PCDHAC2: variants seen among roughly 807,000 people sequenced by gnomAD.
PCDHAC2 encodes the protein protocadherin alpha subfamily C, 2.
A neutral mutation model predicts 63.3 loss-of-function variants in PCDHAC2; 24 were observed. The observed-to-expected ratio is 0.38, with a 90% CI of 0.27 to 0.53. PCDHAC2 has a LOEUF of 0.53. Among genes scored for constraint, PCDHAC2 ranks in the 20% least tolerant of loss-of-function variants. The pLI, the probability that PCDHAC2 is intolerant of heterozygous loss-of-function variation, is 0.81. For missense variants in PCDHAC2, 1,181 were observed against 1,275.2 expected (o/e 0.93, Z 1.12); for synonymous variants, 569 against 529.4 (o/e 1.07, Z -1.03).
chr5:140,989,534 A>G (rs1201139003), intron 3 of PCDHAC2, among the ~76,000 whole-genome samples: 1 of 152,184 alleles, frequency 6.6e-6, no homozygotes, highest in African/African-American at 2.4e-5. Flanking sequence ...GGAGGAAGAT[A>G]GTTTGTAATT....
chr5:140,981,864 T>C (rs1554243477), intron 2 of PCDHAC2, among the ~76,000 whole-genome samples: 3 of 152,294 alleles, frequency 2.0e-5, no homozygotes, highest in African/African-American at 7.2e-5. Context: ...CCCAGCAATG[T>C]TTTATGCTGA....
chr5:140,998,565 A>G, intron 3 of PCDHAC2, among the ~76,000 whole-genome samples: 1 of 113,790 alleles, frequency 8.8e-6, no homozygotes. Context: ...TTTATTGTAA[A>G]TAAGTTTTTT....
chr5:140,973,384 CAAAG>C (rs1250756648), intron 1 of PCDHAC2, among the ~76,000 whole-genome samples: 4 of 152,194 alleles, frequency 2.6e-5, no homozygotes, highest in Non-Finnish European at 5.9e-5. Context: ...TCAGAATAGA[CAAAG>C]AAATCATATC....
chr5:140,997,668 T>TTGTGTGTGTGTG (rs35184029), intron 3 of PCDHAC2, among the ~76,000 whole-genome samples: 18 of 148,344 alleles, frequency 1.2e-4, no homozygotes, highest in Middle Eastern at 3.4e-3. Flanking sequence ...ATTATACAGC[T>TTGTGTGTGTGTG]TGTGTGTGTG....
chr5:141,008,323 A>C lies in PCDHAC2; in HGVS notation c.2714-1304A>C, dbSNP rs2098370005. ...CCCTAAACTGTAATTGAACATAAACAGTTTATTTGATGGAGCTTTTCACGT... is the reference window on the plus strand; with the variant it reads ...CCCTAAACTGTAATTGAACATAAACCGTTTATTTGATGGAGCTTTTCACGT... On this transcript the variant is annotated intron_variant, in intron 3 of 3. Transcript: ENST00000289269. 2.0e-5 allele frequency among the ~76,000 whole-genome samples: 3 copies of C among 152,242 alleles called. No individual in the cohort carries two copies. The South Asian group carries it at 6.2e-4, about 32-fold the overall frequency.
chr5:141,001,159 G>A (rs1332533329), intron 3 of PCDHAC2, among the ~76,000 whole-genome samples: 2 of 152,076 alleles, frequency 1.3e-5, no homozygotes, highest in Non-Finnish European at 2.9e-5. Context: ...ATCTTAATAA[G>A]TAAAATTTAA....
chr5:140,967,982 G>T lies in PCDHAC2; in HGVS notation c.1216G>T (p.Ala406Ser), dbSNP rs1563372383. 1.9e-6 allele frequency: 3 copies of T among 1,614,224 alleles called. No homozygotes were observed. The highest frequency in any genetic ancestry group is 2.5e-6 in the Non-Finnish European group (3 of 1,180,050). Reference sequence around the variant, plus strand: ...CCGGAAAGTGAGCCTGGGTCTGGAGGCCACACTGCCTTTCCGACTGAATGG... The same window carrying T: ...CCGGAAAGTGAGCCTGGGTCTGGAGTCCACACTGCCTTTCCGACTGAATGG... Reference protein sequence around the residue: ...PNRKVSLGLEATLPFRLNGFG... With the variant: ...PNRKVSLGLESTLPFRLNGFG... Residue 406 changes from alanine (A) to serine (S), a missense_variant, in exon 1 of 4, where the codon GCC becomes TCC. Physicochemically the swap from Ala to Ser is moderately conservative, Grantham distance 99. Transcript: ENST00000289269.
rs1554229751 is a variant in PCDHAC2, at chr5:140,967,668, C to T, written c.902C>T (p.Ser301Leu). ...AGGTACTCCTTGAGCAGCTACACGTCGGACCGGGAGAGGCAGCTCTTCAGC... is the reference window on the plus strand; with the variant it reads ...AGGTACTCCTTGAGCAGCTACACGTTGGACCGGGAGAGGCAGCTCTTCAGC... ...ELRYSLSSYTSDRERQLFSID... is the reference protein window; with the variant it reads ...ELRYSLSSYTLDRERQLFSID... The change falls in exon 1 of 4, where the codon TCG (serine) becomes TTG (leucine). Residue 301 changes from serine (S) to leucine (L), a missense_variant. Ser to Leu is a moderately radical substitution (Grantham distance 145, BLOSUM62 -2). Around this residue, in one of 3 missense-constraint regions of PCDHAC2, gnomAD observed 968 missense variants for 1,073.5 expected, o/e 0.90. Coordinates refer to ENST00000289269, the MANE Select transcript of PCDHAC2 (RefSeq NM_018899.6). 1.2e-6 allele frequency: 2 copies of T among 1,614,108 alleles called. No homozygotes were observed. The highest frequency in any genetic ancestry group is 8.5e-7 in the Non-Finnish European group (1 of 1,180,016).
chr5:140,992,400 T>C (rs1019164556), intron 3 of PCDHAC2, among the ~76,000 whole-genome samples: 1 of 152,124 alleles, frequency 6.6e-6, no homozygotes, highest in Admixed American at 6.5e-5. Context: ...CTTAGAGATA[T>C]TGTTCTGCCC....
At chr5:140,998,210 A>G (rs2097801454) in intron 3 of PCDHAC2, among the ~76,000 whole-genome samples, 1 of 152,218 alleles carries the variant, frequency 6.6e-6, no homozygotes, top group South Asian at 2.1e-4. Flanking sequence ...TTTAATCTGT[A>G]TAACCACACC....
In PCDHAC2 at chr5:141,012,200, T is replaced by A. The variant is rs2098423248; in HGVS notation, c.*2263T>A. On this transcript the variant is annotated 3_prime_UTR_variant, in exon 4 of 4. Coordinates refer to ENST00000289269, the MANE Select transcript of PCDHAC2 (RefSeq NM_018899.6). The stretch of plus-strand genomic sequence containing the variant: ...TAATTATAATGTATCTGTACAGCAC[T>A]TTTTACATTTGCGAAGTGCTTTCCA... 6.5e-6 allele frequency: 1 copy of A among 153,778 alleles called. No homozygotes were observed. The highest frequency in any genetic ancestry group is 1.5e-5 in the Non-Finnish European group (1 of 68,048). 9.5% of individuals were successfully genotyped at this position (153,778 alleles called of 1,614,324 possible). A position where few individuals can be genotyped will look rare whatever the true frequency, so the allele number is the denominator to read the frequency against.
Position 140,982,458 on chromosome 5 carries a change from T to C in PCDHAC2, c.2625-17T>C, listed in dbSNP as rs1554244201. 1 of 1,613,996 alleles carries C rather than the reference T, an allele frequency of 6.2e-7. No homozygotes were observed. Among genetic ancestry groups the C allele is most frequent in the Non-Finnish European group, 8.5e-7 (1 of 1,179,964 alleles). ...ATTTATGATCTAACCGTTATCTGGG[T>C]CTGTGTGTTTATTCAGCTCTGTGCA... On this transcript the variant is annotated splice_polypyrimidine_tract_variant and intron_variant, in intron 2 of 3. Transcript: ENST00000289269.
chr5:140,982,330 A>G (rs1164990385), intron 2 of PCDHAC2, 145 bp from the exon 3 acceptor site: 3 of 1,429,408 alleles, frequency 2.1e-6, no homozygotes, highest in Non-Finnish European at 2.8e-6. Flanking sequence ...GTGACTGCTC[A>G]GCAGTAATTG....
Position 140,967,464 on chromosome 5 carries a change from G to A in PCDHAC2, c.698G>A (p.Gly233Asp), listed in dbSNP as rs781900904. The A allele has an allele frequency of 1.9e-6, 3 of 1,613,386 alleles. No individual in the cohort carries two copies. In the East Asian group the frequency reaches 6.7e-5, roughly 36 times the overall value. ...HHLVLTAVDGGIPARSGTAQI... is the reference protein window; with the variant it reads ...HHLVLTAVDGDIPARSGTAQI... ...CTGGTTCTCACAGCCGTGGATGGGG[G>A]CATCCCAGCCCGCTCGGGTACGGCA... The change falls in exon 1 of 4, where the codon GGC (glycine) becomes GAC (aspartate). Residue 233 changes from glycine (G) to aspartate (D), a missense_variant. Coordinates refer to ENST00000289269, the MANE Select transcript of PCDHAC2 (RefSeq NM_018899.6).
chr5:140,978,978 C>T lies in PCDHAC2; in HGVS notation c.2595C>T (p.Tyr865=). Residue 865 remains tyrosine (Y), a synonymous_variant, in exon 2 of 4, where the codon TAC becomes TAT. Coordinates refer to ENST00000289269, the MANE Select transcript of PCDHAC2 (RefSeq NM_018899.6). ...EPRQPNPDWR[Y]SASLRAGMHS... ...GACAGCCCAACCCTGACTGGCGTTA[C>T]TCTGCCTCCCTGAGAGCAGGCATGC... 1 of 1,614,204 alleles carries T rather than the reference C, an allele frequency of 6.2e-7. No homozygotes were observed. The highest frequency in any genetic ancestry group is 8.5e-7 in the Non-Finnish European group (1 of 1,180,030).
Position 140,967,963 on chromosome 5 carries a change from A to C in PCDHAC2, c.1197A>C (p.Lys399Asn), listed in dbSNP as rs1554230144. ...ACCAAGACTCAGGCCCCAACCGGAA[A>C]GTGAGCCTGGGTCTGGAGGCCACAC... ...VNDQDSGPNR[K>N]VSLGLEATLP... is the part of the protein sequence containing the mutation. Residue 399 changes from lysine to asparagine, a missense_variant, in exon 1 of 4, where the codon AAA becomes AAC. Physicochemically the swap from Lys to Asn is moderately conservative, Grantham distance 94 (BLOSUM62 0). This residue lies in a region of PCDHAC2 where 968 missense variants were observed against 1,073.5 expected (regional missense o/e 0.90). Transcript: ENST00000289269. 6.2e-7 allele frequency: 1 copy of C among 1,614,210 alleles called. No individual in the cohort carries two copies. Among genetic ancestry groups the C allele is most frequent in the South Asian group, 1.1e-5 (1 of 91,090 alleles).
chr5:140,976,378 C>G (rs908008970), intron 1 of PCDHAC2, among the ~76,000 whole-genome samples: 2 of 151,926 alleles, frequency 1.3e-5, no homozygotes, highest in Non-Finnish European at 2.9e-5. Flanking sequence ...TGGTGAAACC[C>G]CATCTCTACT....
At chr5:140,992,805 A>G (rs2097529327) in intron 3 of PCDHAC2, among the ~76,000 whole-genome samples, 1 of 152,078 alleles carries the variant, frequency 6.6e-6, no homozygotes, top group Non-Finnish European at 1.5e-5. Flanking sequence ...ATCCATATGT[A>G]TCTAAGGATG....
chr5:141,011,752 C>T lies in PCDHAC2; in HGVS notation c.*1815C>T, dbSNP rs1051150394. On this transcript the variant is annotated 3_prime_UTR_variant, in exon 4 of 4. Transcript: ENST00000289269. ...CAAGCACAAATTTTACCAATCTGAC[C>T]TCTTTGAAGTTGCAGAATGCTTTGA... The T allele has an allele frequency of 6.5e-6, 1 of 153,662 alleles. No homozygotes were observed. The highest frequency in any genetic ancestry group is 6.5e-5 in the Admixed American group (1 of 15,272). The allele number at this position is 153,662 out of a possible 1,614,324, so 9.5% of individuals were successfully genotyped here. A position where few individuals can be genotyped will look rare whatever the true frequency, so the allele number is the denominator to read the frequency against.
Sources: gnomAD v4.1 joint callset for allele counts (sites outside exome capture counted in the v4.1 genomes callset) on GRCh38, gnomAD v4.1.1 for gene constraint, gnomAD v4.1.1 regional missense constraint, MANE v1.5 for transcripts, NCBI Gene and HGNC (gene_info 2026-07-23, HGNC 2026-07-21) for gene names.